RAB40A: variants seen among roughly 807,000 people sequenced by gnomAD.
RAB40A encodes the protein ras-related protein Rab-40A.
For missense variants in RAB40A, 145 were observed against 230.2 expected, an observed-to-expected ratio of 0.63 and a Z score of 2.40; for synonymous variants, 65 against 99.9, an observed-to-expected ratio of 0.65 and a Z score of 2.08.
At chrX:103,505,034 C>A (rs1404644016) in intron 2 of RAB40A, among the ~76,000 whole-genome samples, 1 of 111,918 alleles carries the variant, frequency 8.9e-6, no homozygotes, top group Admixed American at 9.5e-5. Context: ...AGTCATTATA[C>A]CTCCAAAAGT....
chrX:103,511,807 G>A (rs1273902606), intron 2 of RAB40A, among the ~76,000 whole-genome samples: 2 of 111,531 alleles, frequency 1.8e-5, no homozygotes, highest in African/African-American at 6.5e-5. Context: ...AAATCTGCAC[G>A]TTCTGTACAC....
At chrX:103,512,975 G>A (rs1332954651) in intron 2 of RAB40A, among the ~76,000 whole-genome samples, 2 of 111,406 alleles carry the variant, frequency 1.8e-5, no homozygotes, top group Non-Finnish European at 3.8e-5. Context: ...GTTGCTCACC[G>A]TTAGGAATGA....
downstream of RAB40A, among the ~76,000 whole-genome samples, chrX:103,494,587 G>T (rs2073152863): frequency 8.9e-6 from 1 of 112,015 alleles, no homozygotes; most frequent in East Asian, 2.8e-4. Context: ...AACTGATATT[G>T]ATTTAATTTT....
At chrX:103,502,718 G>A (rs1172833972) in intron 2 of RAB40A, 1 of 763,584 alleles carries the variant, frequency 1.3e-6, no homozygotes, top group Non-Finnish European at 1.6e-6. Flanking sequence ...GTCCTTTAGG[G>A]AGGGTGAGGG....
rs146813650 is a variant in RAB40A at position 103,507,654 on chromosome X, A to T, written c.-70-6828T>A. ...AGGAGATTAAAAAGTTTTCTCTCTA[A>T]ATTACATAAACTGTCCTTAAACTTA... On this transcript the variant is annotated intron_variant, in intron 2 of 2. Transcript: ENST00000304236. 1.1e-3 allele frequency among the ~76,000 whole-genome samples: 120 copies of T among 112,544 alleles called. No individual in the cohort carries two copies. In the East Asian group the frequency reaches 0.029, roughly 27 times the overall value.
intron 2 of RAB40A, among the ~76,000 whole-genome samples, chrX:103,511,894 G>A (rs769383750): frequency 1.1e-4 from 12 of 111,601 alleles, no homozygotes; most frequent in Non-Finnish European, 2.1e-4. Flanking sequence ...GAGACTATTA[G>A]GGTGAGCTCT....
rs1444309676 is a variant in RAB40A, at chrX:103,500,816, C to T, written c.-60G>A. 1 of 1,160,325 alleles carries T rather than the reference C, an allele frequency of 8.6e-7. No homozygotes were observed. The highest frequency in any genetic ancestry group is 1.1e-6 in the Non-Finnish European group (1 of 872,149). ...CGCGGGGTTGTGCGCAGAGGTGGTG[C>T]CGGGCCTGTTCTTCTTGAGAAATTA... On this transcript the variant is annotated 5_prime_UTR_variant, in exon 3 of 3. Transcript: ENST00000304236.
chrX:103,517,994 A>G (rs2073324706), intron 1 of RAB40A, among the ~76,000 whole-genome samples: 1 of 112,064 alleles, frequency 8.9e-6, no homozygotes. Flanking sequence ...ACTCATGGCT[A>G]TTTAAGTTAA....
At chrX:103,517,689 T>C (rs2073323391) in intron 1 of RAB40A, among the ~76,000 whole-genome samples, 164 bp from the exon 2 acceptor site, 1 of 112,276 alleles carries the variant, frequency 8.9e-6, no homozygotes, top group African/African-American at 3.2e-5. Flanking sequence ...CTTCGGAGAA[T>C]GTATCCCAAA....
chrX:103,494,767 A>T (rs1188760490), downstream of RAB40A, among the ~76,000 whole-genome samples: 1 of 111,338 alleles, frequency 9.0e-6, no homozygotes, highest in Admixed American at 9.6e-5. Flanking sequence ...ATTCTGTTCC[A>T]CTGGTCTATG....
At chrX:103,508,555 G>A (rs2073269210) in intron 2 of RAB40A, among the ~76,000 whole-genome samples, 1 of 112,104 alleles carries the variant, frequency 8.9e-6, no homozygotes, top group Admixed American at 9.4e-5. Flanking sequence ...TCAGGGCTTA[G>A]GTAGTCATTA....
At chrX:103,512,498 C>T (rs2073296079) in intron 2 of RAB40A, among the ~76,000 whole-genome samples, 1 of 111,387 alleles carries the variant, frequency 9.0e-6, no homozygotes, top group Admixed American at 9.5e-5. Context: ...ACAACCGCTC[C>T]TCTTTATAGA....
intron 2 of RAB40A, among the ~76,000 whole-genome samples, chrX:103,504,914 G>A (rs1429941146): frequency 1.8e-5 from 2 of 112,074 alleles, no homozygotes; most frequent in Non-Finnish European, 3.8e-5. Context: ...TCATTGAAGA[G>A]ACACTTATGT....
chrX:103,510,997 T>C (rs1367742988), intron 2 of RAB40A, among the ~76,000 whole-genome samples: 1 of 111,876 alleles, frequency 8.9e-6, no homozygotes, highest in African/African-American at 3.3e-5. Flanking sequence ...TGCATTTTGT[T>C]CCCCCAAAAG....
intron 2 of RAB40A, among the ~76,000 whole-genome samples, chrX:103,514,147 A>G (rs2073305168): frequency 9.0e-6 from 1 of 111,654 alleles, no homozygotes; most frequent in African/African-American, 3.3e-5. Flanking sequence ...ATGAATGGGT[A>G]TTTGTTCTTC....
rs1438036774 is a variant in RAB40A, at chrX:103,499,532, C to A, written c.*391G>T. On this transcript the variant is annotated 3_prime_UTR_variant, in exon 3 of 3. Coordinates refer to ENST00000304236, the MANE Select transcript of RAB40A (RefSeq NM_080879.3). ...ATCGATGACTGAATTATCTCACTAT[C>A]ATTGCTTCTCAAATTTCCTTGAATT... 2 of 248,748 alleles carry A rather than the reference C, an allele frequency of 8.0e-6. No individual in the cohort carries two copies. Among genetic ancestry groups the A allele is most frequent in the Non-Finnish European group, 1.5e-5 (2 of 137,339 alleles). 20.5% of individuals were successfully genotyped at this position (248,748 alleles called of 1,213,427 possible).
At chrX:103,503,162 GA>G (rs1435069557) in intron 2 of RAB40A, 16 of 751,673 alleles carry the variant, frequency 2.1e-5, no homozygotes, top group Non-Finnish European at 2.5e-5. Flanking sequence ...AAGCTAGAAA[GA>G]AAAAAATTGA....
chrX:103,512,309 G>GC (rs1556037317), intron 2 of RAB40A, among the ~76,000 whole-genome samples: 1 of 103,922 alleles, frequency 9.6e-6, no homozygotes, highest in Non-Finnish European at 2.0e-5. Context: ...TTGGTTAGCT[G>GC]TTTTTTTTTT....
At chrX:103,511,166 C>T (rs2073287127) in intron 2 of RAB40A, among the ~76,000 whole-genome samples, 3 of 111,069 alleles carry the variant, frequency 2.7e-5, no homozygotes, top group African/African-American at 6.5e-5. Flanking sequence ...ATAAAGAAAA[C>T]GTGACATATA....
Sources: allele counts gnomAD v4.1 joint callset (sites outside exome capture counted in the v4.1 genomes callset), GRCh38; gene constraint gnomAD v4.1.1; transcripts MANE v1.5; gene names NCBI Gene and HGNC (gene_info 2026-07-23, HGNC 2026-07-21).